Variants in RGS17 observed in about 807,000 individuals in gnomAD.
RGS17 encodes the protein regulator of G protein signaling 17, also known as regulator of G-protein signaling 17.
Under a neutral mutation model 25.5 loss-of-function variants are expected in RGS17, and 12 were observed. The observed-to-expected ratio is 0.47, with a 90% CI of 0.30 to 0.76. The LOEUF (loss-of-function observed/expected upper bound fraction) is 0.76. Ranked by LOEUF, RGS17 falls within the 30% of genes least tolerant of loss-of-function variation. The pLI is 0.07. For missense variants in RGS17, 196 were observed against 242.2 expected (o/e 0.81, Z 1.27); for synonymous variants, 71 against 76.9 (o/e 0.92, Z 0.40).
chr6:153,099,940 A>C (rs1033506095), intron 1 of RGS17, among the ~76,000 whole-genome samples: 1 of 152,204 alleles, frequency 6.6e-6, no homozygotes, highest in Admixed American at 6.5e-5. Context: ...ATATGAGAAC[A>C]GCTTTTAATA....
chr6:153,126,517 C>T (rs770907167), intron 1 of RGS17, among the ~76,000 whole-genome samples: 1 of 152,064 alleles, frequency 6.6e-6, no homozygotes, highest in African/African-American at 2.4e-5. Context: ...AATATTAGCA[C>T]TCAAACAAAT....
chr6:153,046,211 A>G (rs1392013226), intron 1 of RGS17, among the ~76,000 whole-genome samples: 1 of 132,072 alleles, frequency 7.6e-6, no homozygotes, highest in Non-Finnish European at 1.6e-5. Context: ...TAAGGGAGGG[A>G]TATGGATACA....
intron 1 of RGS17, among the ~76,000 whole-genome samples, chr6:153,076,079 AAC>A (rs1776873324): frequency 6.6e-6 from 1 of 152,170 alleles, no homozygotes; most frequent in Non-Finnish European, 1.5e-5. Flanking sequence ...ACTGAATACA[AAC>A]ACAAATAAAC....
chr6:153,080,557 T>A (rs897540865), intron 1 of RGS17, among the ~76,000 whole-genome samples: 15 of 152,158 alleles, frequency 9.9e-5, no homozygotes, highest in Non-Finnish European at 1.9e-4. Flanking sequence ...TCATTATGAT[T>A]ATCAATATTG....
At chr6:153,048,567 C>T (rs1437693060) in intron 1 of RGS17, among the ~76,000 whole-genome samples, 4 of 152,138 alleles carry the variant, frequency 2.6e-5, no homozygotes, top group South Asian at 2.1e-4. Context: ...TTGTTACTCC[C>T]CTGAATGTAT....
In RGS17 at chr6:153,020,112, ATATATAT is replaced by A. The variant is rs1242501791; in HGVS notation, c.444+4143_444+4149del. 2.2e-3 allele frequency among the ~76,000 whole-genome samples: 81 copies of A among 36,074 alleles called. 1 individual carries two copies. Among genetic ancestry groups the A allele is most frequent in the African/African-American group, 4.9e-3 (52 of 10,692 alleles). 23.7% of individuals were successfully genotyped at this position (36,074 alleles called of 152,430 possible). A position where few individuals can be genotyped will look rare whatever the true frequency, so the allele number is the denominator to read the frequency against. The stretch of plus-strand genomic sequence containing the variant: ...ATTGCAAATATCTTAAAAAAAAAAA[ATATATAT>A]ATATATATATATATATATATTTTTT... On this transcript the variant is annotated intron_variant, in intron 4 of 4. Transcript: ENST00000206262.
chr6:153,023,834 T>C (rs2129106870), intron 4 of RGS17, among the ~76,000 whole-genome samples: 1 of 152,308 alleles, frequency 6.6e-6, no homozygotes, highest in South Asian at 2.1e-4. Flanking sequence ...TGGGTCCTAT[T>C]TCCAAAAATT....
intron 1 of RGS17, among the ~76,000 whole-genome samples, chr6:153,044,633 G>A (rs1025787281): frequency 2.6e-5 from 4 of 152,164 alleles, no homozygotes; most frequent in Non-Finnish European, 5.9e-5. Flanking sequence ...TCTGTTAGGT[G>A]TCAGTGTTGC....
At chr6:153,038,111 G>C (rs1402598017) in intron 2 of RGS17, among the ~76,000 whole-genome samples, 1 of 152,168 alleles carries the variant, frequency 6.6e-6, no homozygotes, top group Non-Finnish European at 1.5e-5. Context: ...TGAAATTTGA[G>C]TTTTTTGTCC....
rs147199030 is a variant in RGS17, at chr6:153,011,265, T to C, written c.*309A>G. 21 of 228,862 alleles carry C rather than the reference T, an allele frequency of 9.2e-5. No individual in the cohort carries two copies. Among genetic ancestry groups the C allele is most frequent in the Middle Eastern group, 1.4e-3 (1 of 694 alleles). The allele number at this position is 228,862 out of a possible 1,614,324, so 14.2% of individuals were successfully genotyped here. On this transcript the variant is annotated 3_prime_UTR_variant, in exon 5 of 5. Transcript: ENST00000206262. ...CTATGTGGCAAATGAAGCATTTTAC[T>C]TTGCACATGCAGTCTCTGGAGATAC...
At chr6:153,051,318 G>A (rs558717661) in intron 1 of RGS17, among the ~76,000 whole-genome samples, 3 of 152,164 alleles carry the variant, frequency 2.0e-5, no homozygotes, top group Non-Finnish European at 4.4e-5. Flanking sequence ...AGGTGATTTG[G>A]TTAGGGCTCA....
chr6:153,050,556 A>G (rs1776448119), intron 1 of RGS17, among the ~76,000 whole-genome samples: 1 of 152,224 alleles, frequency 6.6e-6, no homozygotes, highest in Non-Finnish European at 1.5e-5. Context: ...TTCCACTGTT[A>G]AAAAGTCATA....
At chr6:153,041,988 G>C (rs1776328245) in intron 2 of RGS17, among the ~76,000 whole-genome samples, 1 of 152,094 alleles carries the variant, frequency 6.6e-6, no homozygotes, top group Admixed American at 6.6e-5. Context: ...TACGAGGCAG[G>C]GATTTTTATT....
At chr6:153,117,520 T>C (rs1296080062) in intron 1 of RGS17, among the ~76,000 whole-genome samples, 1 of 152,220 alleles carries the variant, frequency 6.6e-6, no homozygotes, top group Non-Finnish European at 1.5e-5. Context: ...TTTGTACTCT[T>C]CCCACTTAGG....
rs565532003 is a variant in RGS17 at position 153,120,826 on chromosome 6, T to C, written c.-26+10298A>G. Among the ~76,000 whole-genome samples the C allele has an allele frequency of 1.2e-4, 18 of 146,024 alleles. No homozygotes were observed. The South Asian group carries it at 1.7e-3, about 13-fold the overall frequency. Reference sequence around the variant, plus strand: ...GATTCTGCATCTATCTTTATTTACATTGTTTTTGAGCCTGGAGACACCTTT... The same window carrying C: ...GATTCTGCATCTATCTTTATTTACACTGTTTTTGAGCCTGGAGACACCTTT... On this transcript the variant is annotated intron_variant, in intron 1 of 4. Transcript: ENST00000206262.
At position 153,130,341 on chromosome 6, in the gene RGS17, G is replaced by C. The variant is rs1172958653; in HGVS notation, c.-26+783C>G. On this transcript the variant is annotated intron_variant, in intron 1 of 4. Coordinates refer to ENST00000206262, the MANE Select transcript of RGS17 (RefSeq NM_012419.5). The surrounding 1 kb of genome is among the most constrained non-coding windows in gnomAD (Gnocchi z 6.4). ...TGCGCCCACCCGGGCAGCGACTCGC[G>C]GTTGGTGGGCGTTCCTCGTCCTCGC... 6.6e-6 allele frequency among the ~76,000 whole-genome samples: 1 copy of C among 152,080 alleles called. No homozygotes were observed. The highest frequency in any genetic ancestry group is 1.5e-5 in the Non-Finnish European group (1 of 68,018).
chr6:153,115,384 G>A (rs1222698807), intron 1 of RGS17, among the ~76,000 whole-genome samples: 1 of 152,130 alleles, frequency 6.6e-6, no homozygotes, highest in Non-Finnish European at 1.5e-5. Flanking sequence ...GGGATGTGAA[G>A]GACCTCTTCA....
intron 1 of RGS17, among the ~76,000 whole-genome samples, chr6:153,048,074 A>G (rs891834317): frequency 5.9e-5 from 9 of 152,218 alleles, no homozygotes; most frequent in Non-Finnish European, 8.8e-5. Context: ...CCTCAAATTT[A>G]CATGCCCAGT....
intron 1 of RGS17, among the ~76,000 whole-genome samples, chr6:153,101,201 T>C (rs1162948739): frequency 1.3e-5 from 2 of 152,258 alleles, no homozygotes; most frequent in African/African-American, 4.8e-5. Flanking sequence ...CTCTATACAG[T>C]TGACCCTTGA....
Sources: allele counts gnomAD v4.1 joint callset (sites outside exome capture counted in the v4.1 genomes callset), GRCh38; gene constraint gnomAD v4.1.1; non-coding constraint Gnocchi (gnomAD v3.1); transcripts MANE v1.5; gene names NCBI Gene and HGNC (gene_info 2026-07-23, HGNC 2026-07-21).